Variants in SLC39A11 observed in about 807,000 individuals in gnomAD.
SLC39A11 encodes zinc transporter ZIP11.
Under a neutral mutation model 36.1 loss-of-function variants are expected in SLC39A11, and 33 were observed. That is an observed-to-expected ratio of 0.91 (90% CI 0.69 to 1.22). SLC39A11 has a LOEUF of 1.22. Among genes scored for constraint, SLC39A11 ranks in the 50% most tolerant of loss-of-function variants. The pLI is 0.00. For synonymous variants in SLC39A11, 166 were observed against 170.3 expected (o/e 0.97, Z 0.20); for missense variants, 432 against 430.3 (o/e 1.00, Z -0.03).
chr17:72,925,926 C>A (rs1400665733), intron 5 of SLC39A11, among the ~76,000 whole-genome samples: 1 of 152,232 alleles, frequency 6.6e-6, no homozygotes, highest in African/African-American at 2.4e-5. Flanking sequence ...GGATGGCAAA[C>A]CACTGAGATT....
chr17:72,686,906 T>C (rs558555317), intron 7 of SLC39A11, among the ~76,000 whole-genome samples: 1 of 152,360 alleles, frequency 6.6e-6, no homozygotes, highest in African/African-American at 2.4e-5. Flanking sequence ...CACCTGCTAG[T>C]CATCACCTAG....
At chr17:72,799,014 A>G (rs1011714567) in intron 6 of SLC39A11, among the ~76,000 whole-genome samples, 1 of 152,026 alleles carries the variant, frequency 6.6e-6, no homozygotes, top group Non-Finnish European at 1.5e-5. Flanking sequence ...GGAGGAGGGG[A>G]GAGGAGCTGG....
intron 3 of SLC39A11, among the ~76,000 whole-genome samples, chr17:73,083,528 C>T (rs979116296): frequency 7.9e-5 from 12 of 152,104 alleles, no homozygotes; most frequent in African/African-American, 2.7e-4. Flanking sequence ...AATACATCTG[C>T]AATACACAGC....
chr17:73,055,754 C>CA (rs2059644596), intron 3 of SLC39A11, among the ~76,000 whole-genome samples: 1 of 152,056 alleles, frequency 6.6e-6, no homozygotes, highest in Non-Finnish European at 1.5e-5. Context: ...ATTAGTAAGC[C>CA]ACCAAATCTT....
intron 7 of SLC39A11, among the ~76,000 whole-genome samples, chr17:72,665,997 T>A (rs919982951): frequency 2.6e-5 from 4 of 152,194 alleles, no homozygotes; most frequent in Admixed American, 6.5e-5. Flanking sequence ...GAAACAGACA[T>A]GTGTGCAGAT....
At chr17:72,906,861 C>G (rs565249685) in intron 5 of SLC39A11, among the ~76,000 whole-genome samples, 6 of 152,188 alleles carry the variant, frequency 3.9e-5, no homozygotes, top group East Asian at 3.9e-4. Flanking sequence ...TTAAAGTGTA[C>G]GAGAACATGG....
At chr17:72,852,642 A>G (rs1265989432) in intron 5 of SLC39A11, among the ~76,000 whole-genome samples, 1 of 152,182 alleles carries the variant, frequency 6.6e-6, no homozygotes, top group African/African-American at 2.4e-5. Context: ...TACCATCCTG[A>G]GATATTAGAT....
At chr17:72,990,428 T>C (rs1329056116) in intron 4 of SLC39A11, among the ~76,000 whole-genome samples, 1 of 152,222 alleles carries the variant, frequency 6.6e-6, no homozygotes, top group South Asian at 2.1e-4. Context: ...TTTTTCTCTC[T>C]CTTTTTCAAG....
chr17:72,655,192 A>G (rs1160536178), intron 7 of SLC39A11, among the ~76,000 whole-genome samples: 4 of 152,212 alleles, frequency 2.6e-5, no homozygotes, highest in Non-Finnish European at 2.9e-5. Flanking sequence ...GTCATGCACA[A>G]CACTGCCTAA....
intron 4 of SLC39A11, among the ~76,000 whole-genome samples, chr17:73,016,858 C>T (rs2058186414): frequency 6.6e-6 from 1 of 152,168 alleles, no homozygotes; most frequent in African/African-American, 2.4e-5. Flanking sequence ...GTAGGGTTTT[C>T]ATCCAATTAT....
At chr17:72,897,782 C>G (rs528033304) in intron 5 of SLC39A11, among the ~76,000 whole-genome samples, 15 of 152,110 alleles carry the variant, frequency 9.9e-5, no homozygotes, top group Middle Eastern at 3.2e-3. Context: ...CAAAAACAGG[C>G]GGCAAGGGAA....
chr17:72,684,502 C>A (rs1224748049), intron 7 of SLC39A11, among the ~76,000 whole-genome samples: 1 of 152,212 alleles, frequency 6.6e-6, no homozygotes, highest in African/African-American at 2.4e-5. Flanking sequence ...ACCACAGTGA[C>A]CAAGGATAAC....
At chr17:72,651,857 C>G (rs1283696678) in intron 7 of SLC39A11, among the ~76,000 whole-genome samples, 1 of 152,148 alleles carries the variant, frequency 6.6e-6, no homozygotes, top group Admixed American at 6.5e-5. Flanking sequence ...ACCACACCAG[C>G]CCAGGACATG....
chr17:72,890,648 A>T (rs940170868), intron 5 of SLC39A11, among the ~76,000 whole-genome samples: 8 of 152,172 alleles, frequency 5.3e-5, no homozygotes, highest in African/African-American at 1.9e-4. Context: ...CAGATAAGTA[A>T]GCTATCTGGC....
chr17:72,680,940 GTTTC>G (rs113056824), intron 7 of SLC39A11, among the ~76,000 whole-genome samples: 3 of 152,054 alleles, frequency 2.0e-5, no homozygotes, highest in South Asian at 2.1e-4. Context: ...CACGTTTTCG[GTTTC>G]TTTGTTTGTT....
At chr17:72,805,706 G>C (rs913982477) in intron 6 of SLC39A11, among the ~76,000 whole-genome samples, 2 of 152,084 alleles carry the variant, frequency 1.3e-5, no homozygotes, top group Admixed American at 6.6e-5. Flanking sequence ...AACAGTGACA[G>C]CCAGGAGATG....
chr17:72,798,724 G>A (rs923307924), intron 6 of SLC39A11, among the ~76,000 whole-genome samples: 2 of 151,922 alleles, frequency 1.3e-5, no homozygotes, highest in East Asian at 3.9e-4. Flanking sequence ...CACCAAGGGG[G>A]CCCCACCCTC....
intron 4 of SLC39A11, among the ~76,000 whole-genome samples, chr17:73,010,695 A>G (rs567099275): frequency 8.5e-5 from 13 of 152,172 alleles, no homozygotes; most frequent in Non-Finnish European, 1.9e-4. Context: ...TTAGGCAAAC[A>G]TAATTATGAA....
At chr17:72,867,950 C>T (rs923910112) in intron 5 of SLC39A11, among the ~76,000 whole-genome samples, 1 of 152,196 alleles carries the variant, frequency 6.6e-6, no homozygotes, top group Non-Finnish European at 1.5e-5. Flanking sequence ...AAAATTGAAG[C>T]TTAGCCAATC....
Sources: gnomAD v4.1 joint callset for allele counts (sites outside exome capture counted in the v4.1 genomes callset) on GRCh38, gnomAD v4.1.1 for gene constraint, MANE v1.5 for transcripts, NCBI Gene and HGNC (gene_info 2026-07-23, HGNC 2026-07-21) for gene names.